Variants in ADGRB3 observed in about 807,000 individuals in gnomAD.
ADGRB3 encodes the protein brain-specific angiogenesis inhibitor 3.
In ADGRB3, 37 loss-of-function variants were observed where a neutral mutation model predicts 193.4. That is an observed-to-expected ratio of 0.19 (90% CI 0.15 to 0.25). ADGRB3 has a LOEUF of 0.25. ADGRB3 is among the 10% of genes least tolerant of loss of function. The pLI is 1.00. For missense variants in ADGRB3, 1,637 were observed against 1,852.9 expected (o/e 0.88, Z 2.14); for synonymous variants, 690 against 644.2 (o/e 1.07, Z -1.08).
chr6:68,846,058 C>A (rs1768268510), intron 3 of ADGRB3, among the ~76,000 whole-genome samples: 1 of 152,118 alleles, frequency 6.6e-6, no homozygotes, highest in African/African-American at 2.4e-5. Context: ...AGATGAAGAA[C>A]CTCTCGGAAG....
At chr6:68,743,533 G>A (rs189280827) in intron 3 of ADGRB3, among the ~76,000 whole-genome samples, 6 of 152,036 alleles carry the variant, frequency 3.9e-5, no homozygotes, top group African/African-American at 1.4e-4. Context: ...AATTGTGTGA[G>A]TGTATATATG....
intron 18 of ADGRB3, among the ~76,000 whole-genome samples, chr6:69,233,857 C>T (rs531839739): frequency 2.6e-5 from 4 of 152,142 alleles, no homozygotes; most frequent in Non-Finnish European, 5.9e-5. Context: ...CTGGAAGTGT[C>T]CTTGGATGTA....
intron 3 of ADGRB3, among the ~76,000 whole-genome samples, chr6:68,730,914 T>C (rs1470213501): frequency 6.6e-6 from 1 of 151,654 alleles, no homozygotes; most frequent in Non-Finnish European, 1.5e-5. Flanking sequence ...CACTGATGCC[T>C]GCTTGGATAT....
chr6:69,084,500 T>C (rs1772491334), intron 17 of ADGRB3, among the ~76,000 whole-genome samples: 1 of 152,170 alleles, frequency 6.6e-6, no homozygotes, highest in Admixed American at 6.5e-5. Flanking sequence ...GATATCTAGA[T>C]TACTATTTCC....
chr6:68,661,915 A>G (rs1768671914), intron 3 of ADGRB3, among the ~76,000 whole-genome samples: 1 of 151,438 alleles, frequency 6.6e-6, no homozygotes, highest in Non-Finnish European at 1.5e-5. Context: ...GAAGTAATTG[A>G]AAAACAATGA....
chr6:68,797,837 G>A (rs1767239971), intron 3 of ADGRB3, among the ~76,000 whole-genome samples: 1 of 151,904 alleles, frequency 6.6e-6, no homozygotes, highest in Non-Finnish European at 1.5e-5. Context: ...TACCTTTGTT[G>A]GACAGTAGAT....
At chr6:69,050,300 G>A (rs576991104) in intron 15 of ADGRB3, among the ~76,000 whole-genome samples, 8 of 152,262 alleles carry the variant, frequency 5.3e-5, no homozygotes, top group East Asian at 3.9e-4. Flanking sequence ...CGTGAAGCAC[G>A]TTATTAATAT....
chr6:69,147,270 T>A (rs1261916335), intron 17 of ADGRB3, among the ~76,000 whole-genome samples: 1 of 152,172 alleles, frequency 6.6e-6, no homozygotes, highest in Admixed American at 6.5e-5. Flanking sequence ...CTTTTTGAGG[T>A]ATGCACTTGT....
rs1233232158 is a variant in ADGRB3, at chr6:69,360,945, T to C, written c.3672T>C (p.Asp1224=). 6.8e-6 allele frequency: 11 copies of C among 1,612,412 alleles called. No individual in the cohort carries two copies. Among genetic ancestry groups the C allele is most frequent in the South Asian group, 1.1e-5 (1 of 91,040 alleles). ...TTTCTAGGATTTCTCTAAATGATGA[T>C]GAAGAAGAAAAGGGAACAAACCCTG... ...GTLSRISLND[D]EEEKGTNPEG... Residue 1224 remains aspartate, a synonymous_variant, in exon 29 of 32, where the codon GAT becomes GAC. Transcript: ENST00000370598.
intron 3 of ADGRB3, among the ~76,000 whole-genome samples, chr6:68,677,606 C>A (rs1239126616): frequency 1.3e-5 from 2 of 150,100 alleles, no homozygotes; most frequent in African/African-American, 4.9e-5. Context: ...CAACCTCTGC[C>A]TCCTAGGTTC....
chr6:68,959,773 T>C (rs1768182229), intron 8 of ADGRB3, among the ~76,000 whole-genome samples: 1 of 152,142 alleles, frequency 6.6e-6, no homozygotes, highest in Non-Finnish European at 1.5e-5. Context: ...AGAAAACATT[T>C]TTTAAAAATA....
At chr6:69,031,047 T>TTC (rs1770651063) in intron 13 of ADGRB3, among the ~76,000 whole-genome samples, 5 of 11,206 alleles carry the variant, frequency 4.5e-4, no homozygotes, top group African/African-American at 1.2e-3. Context: ...CTCTCTTCTC[T>TTC]TCTCTTCTCT....
intron 29 of ADGRB3, among the ~76,000 whole-genome samples, chr6:69,361,788 T>A (rs1050557712): frequency 1.4e-5 from 2 of 138,480 alleles, no homozygotes; most frequent in Admixed American, 7.8e-5. Flanking sequence ...GTCATAATTC[T>A]GTCATCATGG....
rs116347158 is a variant in ADGRB3, at chr6:68,698,263, G to T, written c.757+58831G>T. ...TGTTTTTTATGTGGTTGGTAGTGCG[G>T]AAAACTGGGAAAGGTCAATTAAAAC... On this transcript the variant is annotated intron_variant, in intron 3 of 31. Coordinates refer to ENST00000370598, the MANE Select transcript of ADGRB3 (RefSeq NM_001704.3). Among the ~76,000 whole-genome samples, 581 of 151,978 alleles carry T rather than the reference G, an allele frequency of 3.8e-3. 3 individuals carry two copies. Among genetic ancestry groups the T allele is most frequent in the African/African-American group, 0.013 (551 of 41,480 alleles).
At chr6:69,116,950 A>G (rs1773549238) in intron 17 of ADGRB3, among the ~76,000 whole-genome samples, 1 of 152,200 alleles carries the variant, frequency 6.6e-6, no homozygotes, top group Admixed American at 6.5e-5. Flanking sequence ...AGCTTCCTAG[A>G]TACCCCTTTC....
intron 6 of ADGRB3, among the ~76,000 whole-genome samples, chr6:68,954,485 A>T (rs7741961): frequency 0.54 from 81,878 of 151,734 alleles, 22,313 homozygotes; most frequent in South Asian, 0.59. Context: ...CTCTCTTTGC[A>T]TCAGCTCCCA....
At chr6:68,868,159 T>A (rs1765356400) in intron 3 of ADGRB3, among the ~76,000 whole-genome samples, 1 of 152,088 alleles carries the variant, frequency 6.6e-6, no homozygotes, top group Non-Finnish European at 1.5e-5. Context: ...TCCCCATATG[T>A]CAGGGAAGGG....
chr6:69,098,717 C>A (rs1304154380), intron 17 of ADGRB3, among the ~76,000 whole-genome samples: 1 of 152,076 alleles, frequency 6.6e-6, no homozygotes, highest in Admixed American at 6.5e-5. Context: ...AAAACCAAAC[C>A]GTATCAATAA....
intron 3 of ADGRB3, among the ~76,000 whole-genome samples, chr6:68,816,288 A>T: frequency 6.6e-6 from 1 of 152,152 alleles, no homozygotes; most frequent in South Asian, 2.1e-4. Flanking sequence ...AATTATCATT[A>T]TTTATTATCA....
Sources: allele counts gnomAD v4.1 joint callset (sites outside exome capture counted in the v4.1 genomes callset), GRCh38; gene constraint gnomAD v4.1.1; transcripts MANE v1.5; gene names NCBI Gene and HGNC (gene_info 2026-07-23, HGNC 2026-07-21).